The following L3MBTL4 variants were observed in gnomAD, a reference collection of about 807,000 sequenced individuals.
L3MBTL4 encodes L3MBTL histone methyl-lysine binding protein 4, also known as lethal(3)malignant brain tumor-like protein 4.
A neutral mutation model predicts 84.5 loss-of-function variants in L3MBTL4; 70 were observed. The ratio of observed to expected loss-of-function variants is 0.83; its 90% CI spans 0.68 to 1.01. The LOEUF is 1.01. Among genes scored for constraint, L3MBTL4 ranks in the 50% least tolerant of loss-of-function variants. The pLI is 0.00. For synonymous variants in L3MBTL4, 274 were observed against 259.8 expected, an observed-to-expected ratio of 1.05 and a Z score of -0.52; for missense variants, 715 against 754.8, an observed-to-expected ratio of 0.95 and a Z score of 0.62.
At chr18:6,296,431 G>A (rs1042113718) in intron 4 of L3MBTL4, among the ~76,000 whole-genome samples, 4 of 152,108 alleles carry the variant, frequency 2.6e-5, no homozygotes, top group South Asian at 2.1e-4. Context: ...GGCATATTAC[G>A]TAACTGATTA....
intron 7 of L3MBTL4, among the ~76,000 whole-genome samples, chr18:6,242,001 C>T (rs7242065): frequency 6.6e-6 from 1 of 152,184 alleles, no homozygotes; most frequent in Non-Finnish European, 1.5e-5. Context: ...CTTTACTAGT[C>T]TCCCATTAAA....
chr18:5,977,058 C>T (rs1158633412), intron 16 of L3MBTL4, among the ~76,000 whole-genome samples: 1 of 152,100 alleles, frequency 6.6e-6, no homozygotes, highest in African/African-American at 2.4e-5. Flanking sequence ...CTCCGGCTGT[C>T]AGGCTTTACA....
At chr18:5,980,098 C>T (rs1164278453) in intron 16 of L3MBTL4, among the ~76,000 whole-genome samples, 1 of 151,968 alleles carries the variant, frequency 6.6e-6, no homozygotes, top group Non-Finnish European at 1.5e-5. Flanking sequence ...TCCTAGGCAC[C>T]GCCGAGGGCT....
chr18:6,228,087 A>G (rs1196128798), intron 10 of L3MBTL4, among the ~76,000 whole-genome samples: 2 of 152,192 alleles, frequency 1.3e-5, no homozygotes, highest in African/African-American at 4.8e-5. Context: ...AAATCAATAG[A>G]ACAGAATACA....
chr18:6,031,124 T>A, intron 16 of L3MBTL4: 2 of 985,464 alleles, frequency 2.0e-6, no homozygotes, highest in Non-Finnish European at 2.4e-6. Flanking sequence ...AAGCCACACG[T>A]GATCCAAGTT....
At chr18:6,218,079 T>C (rs970888884) in intron 10 of L3MBTL4, among the ~76,000 whole-genome samples, 2 of 152,206 alleles carry the variant, frequency 1.3e-5, no homozygotes, top group African/African-American at 4.8e-5. Context: ...ATATATTTTA[T>C]GTTTCAATAA....
At chr18:6,115,793 T>C (rs1425005089) in intron 14 of L3MBTL4, among the ~76,000 whole-genome samples, 1 of 152,170 alleles carries the variant, frequency 6.6e-6, no homozygotes, top group Non-Finnish European at 1.5e-5. Flanking sequence ...CACGAAGTCG[T>C]CTTCAGACCT....
chr18:6,142,595 C>T (rs1050962803), intron 13 of L3MBTL4, among the ~76,000 whole-genome samples: 17 of 152,084 alleles, frequency 1.1e-4, no homozygotes, highest in Non-Finnish European at 4.4e-5. Flanking sequence ...AAAAAAACAA[C>T]TTTTAAACGA....
chr18:6,012,171 A>G (rs569643219), intron 16 of L3MBTL4, among the ~76,000 whole-genome samples: 17 of 152,202 alleles, frequency 1.1e-4, no homozygotes, highest in Non-Finnish European at 2.2e-4. Context: ...CTGGACACAG[A>G]TTAGAGGAAA....
In L3MBTL4 at chr18:6,170,449, G is replaced by A. The variant is rs537643236; in HGVS notation, c.1096+1379C>T. On this transcript the variant is annotated intron_variant, in intron 13 of 18. Coordinates refer to ENST00000317931, the MANE Select transcript of L3MBTL4 (RefSeq NM_001330559.2). ...CTGTTTATATGTGTGGGTTGAGGAA[G>A]GGGTCAAGAGGGAGCAGAGTCTGGA... 9.8e-5 allele frequency among the ~76,000 whole-genome samples: 15 copies of A among 152,312 alleles called. No individual in the cohort carries two copies. In the South Asian group the frequency reaches 2.9e-3, roughly 29 times the overall value.
At chr18:6,168,150 C>T (rs966751510) in intron 13 of L3MBTL4, among the ~76,000 whole-genome samples, 2 of 152,098 alleles carry the variant, frequency 1.3e-5, no homozygotes, top group Non-Finnish European at 2.9e-5. Context: ...AGGAGAACTA[C>T]AAACCACTGC....
chr18:6,045,026 T>C (rs1299676879), intron 16 of L3MBTL4, among the ~76,000 whole-genome samples: 1 of 152,204 alleles, frequency 6.6e-6, no homozygotes, highest in African/African-American at 2.4e-5. Context: ...CTTGCATCCT[T>C]TTTTCCTTCC....
chr18:6,054,068 C>T (rs549582643), intron 16 of L3MBTL4, among the ~76,000 whole-genome samples: 137 of 152,294 alleles, frequency 9.0e-4, no homozygotes, highest in Non-Finnish European at 1.7e-3. Flanking sequence ...GAGATAGAGG[C>T]TCTCAATGCT....
chr18:6,354,937 T>C (rs1479230950), intron 1 of L3MBTL4, among the ~76,000 whole-genome samples: 5 of 152,200 alleles, frequency 3.3e-5, no homozygotes, highest in African/African-American at 7.2e-5. Context: ...GCTGGGTATA[T>C]ACCCAAAAGA....
intron 10 of L3MBTL4, among the ~76,000 whole-genome samples, chr18:6,227,595 A>G (rs1298331068): frequency 6.6e-6 from 1 of 152,224 alleles, no homozygotes; most frequent in African/African-American, 2.4e-5. Context: ...ATGTACACCA[A>G]GAGAGGAATA....
intron 16 of L3MBTL4, among the ~76,000 whole-genome samples, chr18:6,003,964 G>T (rs1283789238): frequency 6.6e-6 from 1 of 151,672 alleles, no homozygotes; most frequent in Non-Finnish European, 1.5e-5. Flanking sequence ...ATACCTGAAG[G>T]ACCCAGAAAA....
intron 16 of L3MBTL4, among the ~76,000 whole-genome samples, chr18:5,976,752 C>T (rs1217576994): frequency 6.6e-6 from 1 of 152,098 alleles, no homozygotes; most frequent in African/African-American, 2.4e-5. Context: ...GCTGAATGAA[C>T]GCACGCAGGC....
chr18:6,152,405 T>C (rs1340512763), intron 13 of L3MBTL4, among the ~76,000 whole-genome samples: 1 of 152,174 alleles, frequency 6.6e-6, no homozygotes, highest in Non-Finnish European at 1.5e-5. Flanking sequence ...TGTTATCTTT[T>C]GTCTTTTTGA....
At chr18:6,262,355 G>A (rs538175916) in intron 5 of L3MBTL4, among the ~76,000 whole-genome samples, 7 of 152,250 alleles carry the variant, frequency 4.6e-5, no homozygotes, top group South Asian at 2.1e-4. Flanking sequence ...ACTCAACAGC[G>A]ACTGATCATC....
Sources: allele counts gnomAD v4.1 joint callset (sites outside exome capture counted in the v4.1 genomes callset), GRCh38; gene constraint gnomAD v4.1.1; transcripts MANE v1.5; gene names NCBI Gene and HGNC (gene_info 2026-07-23, HGNC 2026-07-21).